HECW1: variants seen among roughly 807,000 people sequenced by gnomAD.
HECW1 encodes E3 ubiquitin-protein ligase HECW1.
HECW1 carries 61 observed loss-of-function variants against 182.3 expected under a neutral mutation model. The ratio of observed to expected loss-of-function variants is 0.33; its 90% CI spans 0.27 to 0.41. The LOEUF (loss-of-function observed/expected upper bound fraction) is 0.41. Among genes scored for constraint, HECW1 ranks in the 10% least tolerant of loss-of-function variants. HECW1 has a pLI of 1.00. For synonymous variants in HECW1, 859 were observed against 832.6 expected (o/e 1.03, Z -0.55); for missense variants, 1,739 against 2,108.9 (o/e 0.82, Z 3.44).
At chr7:43,165,400 G>C (rs867627492) in intron 2 of HECW1, among the ~76,000 whole-genome samples, 1 of 151,162 alleles carries the variant, frequency 6.6e-6, no homozygotes, top group Admixed American at 6.6e-5. Context: ...CTTTTGGCGG[G>C]GGGGGGTGTT....
At chr7:43,313,861 C>A (rs1167994006) in intron 4 of HECW1, among the ~76,000 whole-genome samples, 13 of 152,172 alleles carry the variant, frequency 8.5e-5, no homozygotes, top group Non-Finnish European at 1.6e-4. Flanking sequence ...CAGTCCCCTC[C>A]CACCCATTCG....
At chr7:43,313,552 G>A (rs1808810713) in intron 4 of HECW1, among the ~76,000 whole-genome samples, 1 of 152,148 alleles carries the variant, frequency 6.6e-6, no homozygotes, top group Non-Finnish European at 1.5e-5. Context: ...GGTCAGGCTG[G>A]TCTCGAACTC....
intron 3 of HECW1, among the ~76,000 whole-genome samples, chr7:43,252,655 C>T (rs912992980): frequency 3.9e-5 from 6 of 152,194 alleles, no homozygotes; most frequent in Admixed American, 1.3e-4. Flanking sequence ...TATGAGTTCC[C>T]ATAGTCATAC....
chr7:43,201,607 A>G (rs1357073464), intron 2 of HECW1, among the ~76,000 whole-genome samples: 2 of 152,212 alleles, frequency 1.3e-5, no homozygotes, highest in East Asian at 1.9e-4. Flanking sequence ...CCAAGTGGTA[A>G]AGCTGACATT....
intron 16 of HECW1, 67 bp from the exon 17 acceptor site, chr7:43,479,543 T>TA: frequency 3.8e-6 from 6 of 1,595,362 alleles, no homozygotes; most frequent in Non-Finnish European, 5.1e-6. Flanking sequence ...CACTCCTGTA[T>TA]ATTACTGACT....
intron 2 of HECW1, among the ~76,000 whole-genome samples, chr7:43,237,526 G>T (rs897508706): frequency 6.6e-6 from 1 of 152,180 alleles, no homozygotes; most frequent in Admixed American, 6.5e-5. Context: ...GCATATTACA[G>T]TGACTCTCCA....
At chr7:43,332,415 C>T (rs1441939967) in intron 5 of HECW1, among the ~76,000 whole-genome samples, 2 of 152,166 alleles carry the variant, frequency 1.3e-5, no homozygotes, top group African/African-American at 4.8e-5. Flanking sequence ...GCGCACAGGC[C>T]ACATTCTTGA....
intron 7 of HECW1, among the ~76,000 whole-genome samples, chr7:43,406,254 C>T (rs2075606158): frequency 1.3e-5 from 2 of 152,298 alleles, no homozygotes; most frequent in African/African-American, 4.8e-5. Context: ...TGTGAGTTCC[C>T]TAATAAAACT....
chr7:43,538,760 G>A (rs1021388203), intron 24 of HECW1, among the ~76,000 whole-genome samples: 16 of 152,284 alleles, frequency 1.1e-4, no homozygotes, highest in African/African-American at 2.4e-4. Context: ...TGTAAATAAC[G>A]TGCCCTTTAC....
intron 4 of HECW1, among the ~76,000 whole-genome samples, chr7:43,317,962 T>G (rs944936534): frequency 6.6e-6 from 1 of 152,106 alleles, no homozygotes; most frequent in Non-Finnish European, 1.5e-5. Context: ...CATTCTATAT[T>G]CTAATGAAAT....
chr7:43,274,476 C>G (rs1802832246), intron 3 of HECW1: 6 of 625,000 alleles, frequency 9.6e-6, no homozygotes, highest in Admixed American at 6.4e-5. Context: ...TGGGCCGGCA[C>G]CGCACCCAGG....
At chr7:43,442,083 G>C (rs2076907108) in intron 9 of HECW1, among the ~76,000 whole-genome samples, 1 of 152,218 alleles carries the variant, frequency 6.6e-6, no homozygotes, top group African/African-American at 2.4e-5. Flanking sequence ...CTCCCAGTCA[G>C]CCATGTGATC....
chr7:43,384,607 T>C (rs1372833163), intron 6 of HECW1, among the ~76,000 whole-genome samples: 1 of 152,194 alleles, frequency 6.6e-6, no homozygotes, highest in African/African-American at 2.4e-5. Context: ...AGCAAGTCAG[T>C]GAGGGGGAAA....
chr7:43,122,661 A>G lies in HECW1; in HGVS notation c.-32+8270A>G, dbSNP rs556186100. Among the ~76,000 whole-genome samples the G allele has an allele frequency of 7.9e-4, 121 of 152,306 alleles. No homozygotes were observed. In the South Asian group the frequency reaches 8.1e-3, roughly 10 times the overall value. On this transcript the variant is annotated intron_variant, in intron 2 of 29. Transcript: ENST00000395891. ...ATGGTGTGACATCCTTGAGAAAAAT[A>G]GCGGAAATTCACAAATTGTTATTTT...
At chr7:43,421,350 C>T (rs1279164885) in intron 8 of HECW1, among the ~76,000 whole-genome samples, 1 of 151,914 alleles carries the variant, frequency 6.6e-6, no homozygotes, top group African/African-American at 2.4e-5. Context: ...CATAAGAAAA[C>T]AAGTAAGAAT....
chr7:43,119,893 A>G (rs1011945200), intron 2 of HECW1, among the ~76,000 whole-genome samples: 1 of 152,120 alleles, frequency 6.6e-6, no homozygotes, highest in Non-Finnish European at 1.5e-5. Flanking sequence ...AAGCTTTCCT[A>G]ACTGGTTTTC....
intron 2 of HECW1, among the ~76,000 whole-genome samples, chr7:43,154,642 T>C (rs917232884): frequency 6.6e-6 from 1 of 152,216 alleles, no homozygotes; most frequent in Admixed American, 6.5e-5. Context: ...ATGAAATTTT[T>C]GCCCCTAGCA....
rs191385129 is a variant in HECW1, at chr7:43,236,369, C to G, written c.-31-7506C>G. ...TAGTGTGAATTCAAAGTGTCTGACA[C>G]AGGTGTCAGTCAATTTAGAAAGTTT... is the stretch of plus-strand genomic sequence containing the variant. On this transcript the variant is annotated intron_variant, in intron 2 of 29. Coordinates refer to ENST00000395891, the MANE Select transcript of HECW1 (RefSeq NM_015052.5). Among the ~76,000 whole-genome samples the G allele has an allele frequency of 1.2e-3, 190 of 152,266 alleles. 1 individual carries two copies. The Middle Eastern group carries it at 0.034, about 27-fold the overall frequency.
intron 12 of HECW1, among the ~76,000 whole-genome samples, chr7:43,456,020 AAGTATT>A (rs1216804911): frequency 2.0e-5 from 3 of 152,122 alleles, no homozygotes. Context: ...AAAAAAAAGA[AAGTATT>A]AGAATTTTAA....
Sources: allele counts gnomAD v4.1 joint callset (sites outside exome capture counted in the v4.1 genomes callset), GRCh38; gene constraint gnomAD v4.1.1; transcripts MANE v1.5; gene names NCBI Gene and HGNC (gene_info 2026-07-23, HGNC 2026-07-21).